Variants in AUTS2 observed in about 807,000 individuals in gnomAD.
AUTS2 encodes activator of transcription and developmental regulator AUTS2.
AUTS2 carries 17 observed loss-of-function variants against 112.4 expected under a neutral mutation model. The ratio of observed to expected loss-of-function variants is 0.15; its 90% CI spans 0.10 to 0.23. The LOEUF is 0.23. AUTS2 is among the 10% of genes least tolerant of loss of function. The pLI, the probability that AUTS2 is intolerant of heterozygous loss-of-function variation, is 1.00. For synonymous variants in AUTS2, 751 were observed against 702.7 expected (o/e 1.07, Z -1.09); for missense variants, 1,510 against 1,701.6 (o/e 0.89, Z 1.98).
intron 1 of AUTS2, among the ~76,000 whole-genome samples, chr7:69,624,044 G>A (rs1793813268): frequency 6.6e-6 from 1 of 152,130 alleles, no homozygotes; most frequent in Non-Finnish European, 1.5e-5. Flanking sequence ...TAAGTTTTTG[G>A]TGATGTTAAG....
chr7:70,333,596 G>A (rs1305084824), intron 4 of AUTS2, among the ~76,000 whole-genome samples: 1 of 152,130 alleles, frequency 6.6e-6, no homozygotes, highest in East Asian at 1.9e-4. Context: ...AGAAAATGTG[G>A]CATATATATA....
intron 1 of AUTS2, among the ~76,000 whole-genome samples, chr7:69,642,028 G>GT (rs1794819985): frequency 6.6e-6 from 1 of 152,126 alleles, no homozygotes; most frequent in African/African-American, 2.4e-5. Context: ...TGTGACCTTG[G>GT]GCAAGTCACT....
intron 1 of AUTS2, among the ~76,000 whole-genome samples, chr7:69,695,948 A>G (rs1271353048): frequency 1.3e-5 from 2 of 152,192 alleles, no homozygotes; most frequent in Non-Finnish European, 2.9e-5. Context: ...TTTTCCATCT[A>G]CAAATAGGAA....
At chr7:70,552,657 A>G (rs1448433536) in intron 5 of AUTS2, among the ~76,000 whole-genome samples, 3 of 152,208 alleles carry the variant, frequency 2.0e-5, no homozygotes, top group African/African-American at 4.8e-5. Context: ...TGATTCCCCT[A>G]CGGATTTAGA....
intron 4 of AUTS2, among the ~76,000 whole-genome samples, chr7:70,362,245 TG>T (rs1792303502): frequency 6.6e-6 from 1 of 152,148 alleles, no homozygotes; most frequent in Non-Finnish European, 1.5e-5. Flanking sequence ...CAGACCGGCA[TG>T]GGGAGTGAAC....
chr7:69,819,926 A>G (rs1584292180), intron 1 of AUTS2, among the ~76,000 whole-genome samples: 1 of 152,302 alleles, frequency 6.6e-6, no homozygotes, highest in Admixed American at 6.5e-5. Context: ...TAACTCAACT[A>G]GCTTCATTAT....
intron 5 of AUTS2, among the ~76,000 whole-genome samples, chr7:70,562,350 A>G (rs1801524767): frequency 6.6e-6 from 1 of 152,250 alleles, no homozygotes; most frequent in Non-Finnish European, 1.5e-5. Flanking sequence ...TTCTAATAAC[A>G]GAGAATGAAG....
intron 5 of AUTS2, among the ~76,000 whole-genome samples, chr7:70,639,219 C>T (rs534898385): frequency 4.6e-4 from 70 of 152,170 alleles, no homozygotes; most frequent in African/African-American, 1.5e-3. Flanking sequence ...TCTCACTAGA[C>T]GAAAGAAAAT....
intron 4 of AUTS2, among the ~76,000 whole-genome samples, chr7:70,394,075 A>G (rs1185277456): frequency 6.6e-6 from 1 of 152,218 alleles, no homozygotes; most frequent in Admixed American, 6.5e-5. Context: ...TTGTTTTGGA[A>G]GGCTGGCTAT....
At chr7:70,464,279 C>CT (rs766512092) in intron 5 of AUTS2, among the ~76,000 whole-genome samples, 2 of 152,180 alleles carry the variant, frequency 1.3e-5, no homozygotes, top group Non-Finnish European at 2.9e-5. Flanking sequence ...CAGCTATTCT[C>CT]TAAGAGCTCC....
intron 1 of AUTS2, among the ~76,000 whole-genome samples, chr7:69,812,028 T>A (rs1319285993): frequency 6.6e-6 from 1 of 152,180 alleles, no homozygotes; most frequent in African/African-American, 2.4e-5. Context: ...GCTTACTGGA[T>A]TTAGTTTAGC....
At chr7:70,206,978 A>G (rs1810608445) in intron 4 of AUTS2, among the ~76,000 whole-genome samples, 1 of 152,224 alleles carries the variant, frequency 6.6e-6, no homozygotes, top group Non-Finnish European at 1.5e-5. Flanking sequence ...CTGAATCAGC[A>G]GATACTTACA....
chr7:70,029,448 T>A (rs1005837816), intron 2 of AUTS2, among the ~76,000 whole-genome samples: 1 of 152,100 alleles, frequency 6.6e-6, no homozygotes, highest in African/African-American at 2.4e-5. Flanking sequence ...GAGATGGTAT[T>A]TTATTGAAAC....
At chr7:70,188,784 C>CTTTCT (rs1809733372) in intron 4 of AUTS2, among the ~76,000 whole-genome samples, 1 of 142,802 alleles carries the variant, frequency 7.0e-6, no homozygotes, top group Non-Finnish European at 1.5e-5. Context: ...TTCTTTCTTT[C>CTTTCT]TTTTTTTTTT....
chr7:70,514,298 A>G (rs888920841), intron 5 of AUTS2, among the ~76,000 whole-genome samples: 2 of 152,186 alleles, frequency 1.3e-5, no homozygotes, highest in Non-Finnish European at 2.9e-5. Flanking sequence ...TCTGTTTTGC[A>G]TTGCTATAAA....
At chr7:70,617,642 G>A (rs760300252) in intron 5 of AUTS2, among the ~76,000 whole-genome samples, 8 of 147,134 alleles carry the variant, frequency 5.4e-5, no homozygotes, top group African/African-American at 7.7e-5. Context: ...CAACCTGGGC[G>A]ACAGAGCGAG....
In AUTS2 at chr7:70,788,652, T is replaced by C. The variant is rs546091837; in HGVS notation, c.2532-1096T>C. 2.0e-5 allele frequency among the ~76,000 whole-genome samples: 3 copies of C among 152,340 alleles called. No homozygotes were observed. The East Asian group carries it at 5.8e-4, about 29-fold the overall frequency. On this transcript the variant is annotated intron_variant, in intron 18 of 18. Coordinates refer to ENST00000342771, the MANE Select transcript of AUTS2 (RefSeq NM_015570.4). ...GTCAAAATGGCCTCTTGGATTAAAG[T>C]CAGGAAGCTTAATAAATAAAATATA...
intron 1 of AUTS2, among the ~76,000 whole-genome samples, chr7:69,842,859 T>C (rs1354758451): frequency 6.6e-6 from 1 of 152,170 alleles, no homozygotes; most frequent in Non-Finnish European, 1.5e-5. Context: ...AGATCCCTAA[T>C]GGCTGGCTCT....
intron 4 of AUTS2, among the ~76,000 whole-genome samples, chr7:70,400,137 T>A (rs1794264617): frequency 6.6e-6 from 1 of 152,094 alleles, no homozygotes; most frequent in Non-Finnish European, 1.5e-5. Flanking sequence ...CAATGGGCTT[T>A]AACTATACCT....
Sources: allele counts gnomAD v4.1 joint callset (sites outside exome capture counted in the v4.1 genomes callset), GRCh38; gene constraint gnomAD v4.1.1; transcripts MANE v1.5; gene names NCBI Gene and HGNC (gene_info 2026-07-23, HGNC 2026-07-21).